Variants in SPAG16 observed in about 807,000 individuals in gnomAD.
SPAG16 encodes sperm-associated antigen 16 protein.
Under a neutral mutation model 80.4 loss-of-function variants are expected in SPAG16, and 86 were observed. The observed-to-expected ratio is 1.07, with a 90% CI of 0.90 to 1.28. SPAG16 has a LOEUF of 1.28. Among genes scored for constraint, SPAG16 ranks in the 50% most tolerant of loss-of-function variants. The pLI is 0.00. For missense variants in SPAG16, 870 were observed against 765.3 expected (o/e 1.14, Z -1.61); for synonymous variants, 294 against 265.9 (o/e 1.11, Z -1.03).
intron 15 of SPAG16, among the ~76,000 whole-genome samples, chr2:214,310,525 G>A (rs1576746946): frequency 2.0e-5 from 3 of 152,242 alleles, no homozygotes; most frequent in South Asian, 4.1e-4. Context: ...TCTCCAGTAG[G>A]TGGTGCCAGA....
At chr2:213,467,776 A>T (rs1257893778) in intron 9 of SPAG16, among the ~76,000 whole-genome samples, 1 of 152,178 alleles carries the variant, frequency 6.6e-6, no homozygotes, top group Non-Finnish European at 1.5e-5. Context: ...ATCTCTGGGG[A>T]CAGTCCACCC....
intron 10 of SPAG16, among the ~76,000 whole-genome samples, chr2:213,546,960 T>A (rs1426618605): frequency 2.0e-5 from 3 of 152,196 alleles, no homozygotes; most frequent in Non-Finnish European, 4.4e-5. Flanking sequence ...TGCAGTTATA[T>A]TCCTTTGTTT....
At chr2:214,363,275 C>T (rs1559244250) in intron 15 of SPAG16, among the ~76,000 whole-genome samples, 1 of 151,914 alleles carries the variant, frequency 6.6e-6, no homozygotes, top group South Asian at 2.1e-4. Context: ...TCTGCCCCTG[C>T]TATCATCCTC....
At chr2:214,347,990 T>C (rs16851847) in intron 15 of SPAG16, among the ~76,000 whole-genome samples, 48,866 of 152,048 alleles carry the variant, frequency 0.32, 12,489 homozygotes, top group African/African-American at 0.71. Flanking sequence ...AAGCAAAGAA[T>C]TGGCAACACA....
At chr2:214,331,128 G>A (rs1003855989) in intron 15 of SPAG16, among the ~76,000 whole-genome samples, 6 of 152,110 alleles carry the variant, frequency 3.9e-5, no homozygotes, top group Non-Finnish European at 5.9e-5. Context: ...TGGGGCTCCG[G>A]CAACTGGTCT....
At chr2:214,045,610 A>AATGAGTTAAT (rs903478707) in intron 13 of SPAG16, among the ~76,000 whole-genome samples, 3 of 152,212 alleles carry the variant, frequency 2.0e-5, no homozygotes, top group Admixed American at 2.0e-4. Context: ...GGGAATGATC[A>AATGAGTTAAT]ATGAGTTAAT....
intron 5 of SPAG16, among the ~76,000 whole-genome samples, chr2:213,326,893 A>G (rs2063865456): frequency 6.6e-6 from 1 of 152,062 alleles, no homozygotes. Flanking sequence ...TGAGCATACT[A>G]TTAAATAATA....
chr2:213,290,920 G>A (rs1480720444), intron 1 of SPAG16, among the ~76,000 whole-genome samples: 1 of 152,096 alleles, frequency 6.6e-6, no homozygotes, highest in Non-Finnish European at 1.5e-5. Context: ...CGTCCCAAGG[G>A]CCAAGGGGAT....
intron 15 of SPAG16, among the ~76,000 whole-genome samples, chr2:214,196,380 A>G (rs2057838932): frequency 6.6e-6 from 1 of 152,080 alleles, no homozygotes; most frequent in Non-Finnish European, 1.5e-5. Context: ...ATGTTTAGAT[A>G]CCACTTAACA....
At chr2:213,845,496 C>A (rs2074577484) in intron 10 of SPAG16, among the ~76,000 whole-genome samples, 1 of 151,946 alleles carries the variant, frequency 6.6e-6, no homozygotes, top group South Asian at 2.1e-4. Flanking sequence ...GCAAGCGGCC[C>A]TTGTTCTTAA....
intron 15 of SPAG16, among the ~76,000 whole-genome samples, chr2:214,335,943 G>C (rs1406519316): frequency 6.6e-6 from 1 of 151,852 alleles, no homozygotes; most frequent in Non-Finnish European, 1.5e-5. Context: ...ATTTTTAGTA[G>C]AGATGGGGTT....
At chr2:213,397,364 G>T (rs1256454489) in intron 9 of SPAG16, among the ~76,000 whole-genome samples, 3 of 152,206 alleles carry the variant, frequency 2.0e-5, no homozygotes, top group Non-Finnish European at 4.4e-5. Flanking sequence ...TCAGATAAGT[G>T]TCCCCTTTGC....
intron 13 of SPAG16, among the ~76,000 whole-genome samples, chr2:214,047,476 AG>A (rs1198978256): frequency 2.0e-5 from 3 of 152,208 alleles, no homozygotes; most frequent in Admixed American, 2.0e-4. Context: ...TTGCTGGAAA[AG>A]CAGGATATCC....
At chr2:214,354,964 C>G (rs942469521) in intron 15 of SPAG16, among the ~76,000 whole-genome samples, 2 of 152,100 alleles carry the variant, frequency 1.3e-5, no homozygotes, top group Admixed American at 6.6e-5. Context: ...ATTTGACTTC[C>G]TCTTTTCCTA....
chr2:213,537,900 A>C (rs1228036951), intron 10 of SPAG16, among the ~76,000 whole-genome samples: 1 of 151,990 alleles, frequency 6.6e-6, no homozygotes, highest in Non-Finnish European at 1.5e-5. Context: ...TCTCAAGCTT[A>C]CTCTTATTTC....
intron 15 of SPAG16, among the ~76,000 whole-genome samples, chr2:214,292,942 G>T (rs575317404): frequency 1.8e-4 from 27 of 152,224 alleles, no homozygotes; most frequent in African/African-American, 6.3e-4. Flanking sequence ...TGAATTCCTC[G>T]GTGGCTTAGG....
Position 214,152,663 on chromosome 2 carries a change from G to A in SPAG16, c.1720+3397G>A, listed in dbSNP as rs555477247. ...CCAGGGACCACTACCACCAATGCGC[G>A]GAGACCAGTAGTGGCCCCGAATGTC... On this transcript the variant is annotated intron_variant, in intron 15 of 15. Coordinates refer to ENST00000331683, the MANE Select transcript of SPAG16 (RefSeq NM_024532.5). Among the ~76,000 whole-genome samples, 192 of 152,182 alleles carry A rather than the reference G, an allele frequency of 1.3e-3. 1 individual carries two copies. Among genetic ancestry groups the A allele is most frequent in the African/African-American group, 4.4e-3 (182 of 41,536 alleles).
In SPAG16 at chr2:213,290,245, G is replaced by A. The variant is rs1000692969; in HGVS notation, c.136+5626G>A. 5.3e-5 allele frequency among the ~76,000 whole-genome samples: 8 copies of A among 152,182 alleles called. No homozygotes were observed. The South Asian group carries it at 1.4e-3, about 28-fold the overall frequency. ...AACTAATTCATGCTATGAAACTCAC[G>A]AGTGCTACTAAATTCCTTCCAGAGC... is the stretch of plus-strand genomic sequence containing the variant. On this transcript the variant is annotated intron_variant, in intron 1 of 15. Transcript: ENST00000331683.
intron 10 of SPAG16, among the ~76,000 whole-genome samples, chr2:213,824,422 G>T (rs1049878166): frequency 6.6e-6 from 1 of 152,156 alleles, no homozygotes; most frequent in Non-Finnish European, 1.5e-5. Flanking sequence ...TTTATTTATG[G>T]CAAGAGATAG....
Sources: allele counts gnomAD v4.1 joint callset (sites outside exome capture counted in the v4.1 genomes callset), GRCh38; gene constraint gnomAD v4.1.1; transcripts MANE v1.5; gene names NCBI Gene and HGNC (gene_info 2026-07-23, HGNC 2026-07-21).